The following PTPRJ variants were observed in gnomAD, a reference collection of about 807,000 sequenced individuals.
PTPRJ encodes the protein receptor-type tyrosine-protein phosphatase eta.
A neutral mutation model predicts 141.3 loss-of-function variants in PTPRJ; 129 were observed. That is an observed-to-expected ratio of 0.91 (90% CI 0.79 to 1.06). The LOEUF is 1.06. Among genes scored for constraint, PTPRJ ranks in the 50% least tolerant of loss-of-function variants. The probability of loss-of-function intolerance (pLI) is 0.00; values close to 1 mark genes in which losing one functional copy is unlikely to be tolerated. For synonymous variants in PTPRJ, 610 were observed against 640.5 expected, an observed-to-expected ratio of 0.95 and a Z score of 0.72; for missense variants, 1,601 against 1,679.7, an observed-to-expected ratio of 0.95 and a Z score of 0.82.
chr11:48,034,934 G>A (rs1289508152), intron 1 of PTPRJ, among the ~76,000 whole-genome samples: 2 of 152,234 alleles, frequency 1.3e-5, no homozygotes, highest in African/African-American at 2.4e-5. Flanking sequence ...TTAAGAGCCC[G>A]TTTTACAGAG....
At chr11:47,991,968 T>A (rs1319026960) in intron 1 of PTPRJ, among the ~76,000 whole-genome samples, 1 of 152,170 alleles carries the variant, frequency 6.6e-6, no homozygotes, top group Non-Finnish European at 1.5e-5. Flanking sequence ...ATTCAAAAAT[T>A]AAATTTTTTT....
intron 3 of PTPRJ, among the ~76,000 whole-genome samples, chr11:48,117,353 C>G (rs1217565784): frequency 6.6e-6 from 1 of 151,584 alleles, no homozygotes; most frequent in Non-Finnish European, 1.5e-5. Flanking sequence ...CCAGCCTGGC[C>G]AACATGGTGA....
chr11:48,029,434 C>A (rs889207785), intron 1 of PTPRJ, among the ~76,000 whole-genome samples: 5 of 152,204 alleles, frequency 3.3e-5, no homozygotes, highest in African/African-American at 4.8e-5. Context: ...TTTCTCTCTT[C>A]CCCTCCCAAT....
chr11:48,154,415 A>G (rs1387863247), intron 19 of PTPRJ, among the ~76,000 whole-genome samples: 2 of 152,256 alleles, frequency 1.3e-5, no homozygotes, highest in African/African-American at 4.8e-5. Flanking sequence ...GAGAATTAAC[A>G]ATGTCTGCAT....
At chr11:48,123,509 T>A (rs1371440464) in intron 4 of PTPRJ, 104 bp from the exon 5 acceptor site, 3 of 1,247,706 alleles carry the variant, frequency 2.4e-6, no homozygotes, top group Non-Finnish European at 2.2e-6. Context: ...CATTCTTTCT[T>A]TTTTTCTTTT....
At chr11:48,072,647 G>C in intron 1 of PTPRJ, among the ~76,000 whole-genome samples, 1 of 152,202 alleles carries the variant, frequency 6.6e-6, no homozygotes, top group East Asian at 1.9e-4. Flanking sequence ...AGATTCAGGA[G>C]TGTTCACATA....
chr11:48,091,584 T>C (rs1468358232), intron 1 of PTPRJ, among the ~76,000 whole-genome samples: 1 of 152,204 alleles, frequency 6.6e-6, no homozygotes, highest in East Asian at 1.9e-4. Context: ...TGACTTGGCC[T>C]TCTCTAGGGG....
intron 1 of PTPRJ, among the ~76,000 whole-genome samples, chr11:48,055,227 G>A (rs1427686729): frequency 6.6e-6 from 1 of 152,104 alleles, no homozygotes; most frequent in Non-Finnish European, 1.5e-5. Flanking sequence ...CATGGTGCCT[G>A]GCACATGGTA....
chr11:48,142,923 C>T lies in PTPRJ; in HGVS notation c.2448C>T (p.Pro816=). 6.2e-7 allele frequency: 1 copy of T among 1,613,288 alleles called. No individual in the cohort carries two copies. Among genetic ancestry groups the T allele is most frequent in the Non-Finnish European group, 8.5e-7 (1 of 1,179,586 alleles). Residue 816 remains proline, a synonymous_variant, in exon 12 of 25, where the codon CCC becomes CCT. Coordinates refer to ENST00000418331, the MANE Select transcript of PTPRJ (RefSeq NM_002843.4). ...RNTCTTGITD[P]PPPDGSPNIT... ...TTTTGTTTTGTTTTGTTTTAGATCC[C>T]CCTCCTCCAGATGGATCCCCTAATA...
chr11:48,109,004 G>A (rs531605689), intron 1 of PTPRJ, among the ~76,000 whole-genome samples: 1 of 152,190 alleles, frequency 6.6e-6, no homozygotes, highest in East Asian at 1.9e-4. Flanking sequence ...AGAGTGAGGG[G>A]TGTTGGTTTC....
At chr11:48,113,933 A>G (rs1856501358) in intron 3 of PTPRJ, among the ~76,000 whole-genome samples, 2 of 152,222 alleles carry the variant, frequency 1.3e-5, no homozygotes, top group African/African-American at 4.8e-5. Flanking sequence ...AAGGGCCCTG[A>G]GACCACAGTG....
chr11:48,053,617 C>G (rs1854666940), intron 1 of PTPRJ, among the ~76,000 whole-genome samples: 1 of 144,578 alleles, frequency 6.9e-6, no homozygotes, highest in Non-Finnish European at 1.5e-5. Context: ...TGCTGTGTTG[C>G]CCAGGCTGGA....
Position 48,121,282 on chromosome 11 carries a change from C to G in PTPRJ, c.616+16C>G. On this transcript the variant is annotated intron_variant, in intron 4 of 24. Transcript: ENST00000418331. Reference sequence around the variant, plus strand: ...GTCATCACAGGTAAGATGACTGGCTCCCAGGGATGATGACAAACCATTTCT... The same window carrying G: ...GTCATCACAGGTAAGATGACTGGCTGCCAGGGATGATGACAAACCATTTCT... 1 of 1,611,174 alleles carries G rather than the reference C, an allele frequency of 6.2e-7. No homozygotes were observed. Among genetic ancestry groups the G allele is most frequent in the Non-Finnish European group, 8.5e-7 (1 of 1,177,712 alleles).
At chr11:48,085,845 T>C (rs1855691189) in intron 1 of PTPRJ, among the ~76,000 whole-genome samples, 1 of 152,230 alleles carries the variant, frequency 6.6e-6, no homozygotes, top group Admixed American at 6.5e-5. Flanking sequence ...AGTAGCCCTA[T>C]GTCAGGTGGT....
At position 48,168,576 on chromosome 11, in the gene PTPRJ, A is replaced by G. The variant is rs1246440961; in HGVS notation, c.*1214A>G. 2 of 125,270 alleles carry G rather than the reference A, an allele frequency of 1.6e-5. No homozygotes were observed. The highest frequency in any genetic ancestry group is 4.7e-4 in the East Asian group (2 of 4,246). 7.8% of individuals were successfully genotyped at this position (125,270 alleles called of 1,614,324 possible). On this transcript the variant is annotated 3_prime_UTR_variant, in exon 25 of 25. Transcript: ENST00000418331. ...TATATATATATATATATATATATAT[A>G]TATATACACTAAGCTCTCAAAAACA...
At position 48,137,094 on chromosome 11, in the gene PTPRJ, C is replaced by A; in HGVS notation, c.1965C>A (p.Tyr655Ter). The part of the protein sequence containing the change: ...WQNFDDASPT[Y>*]SYCLLIEKAG... Reference sequence around the variant, plus strand: ...ACTTTGATGACGCCTCTCCCACGTACTCCTACTGCCTTCTTATTGAGAAGG... The same window carrying A: ...ACTTTGATGACGCCTCTCCCACGTAATCCTACTGCCTTCTTATTGAGAAGG... The change falls in exon 10 of 25, where the codon TAC becomes TAA. Residue 655 changes from tyrosine to a stop codon, truncating the protein, a stop_gained. Transcript: ENST00000418331. LOFTEE classifies it high-confidence loss of function. The A allele has an allele frequency of 6.2e-7, 1 of 1,607,106 alleles. No individual in the cohort carries two copies. Among genetic ancestry groups the A allele is most frequent in the East Asian group, 2.2e-5 (1 of 44,840 alleles).
chr11:48,148,406 G>A (rs772775613), intron 15 of PTPRJ, among the ~76,000 whole-genome samples: 5 of 152,000 alleles, frequency 3.3e-5, no homozygotes, highest in Admixed American at 1.3e-4. Context: ...GCTTTATTCA[G>A]CTTAGACATT....
intron 1 of PTPRJ, among the ~76,000 whole-genome samples, chr11:47,991,991 T>C (rs1454091845): frequency 1.3e-5 from 2 of 152,164 alleles, no homozygotes; most frequent in African/African-American, 4.8e-5. Flanking sequence ...TCTTATACTG[T>C]AGTTTACAAG....
At chr11:48,142,699 G>A (rs111638709) in intron 11 of PTPRJ, among the ~76,000 whole-genome samples, 59 of 152,296 alleles carry the variant, frequency 3.9e-4, no homozygotes, top group African/African-American at 1.3e-3. Context: ...ATGCCCTGAA[G>A]GGGTCATTGT....
Sources: gnomAD v4.1 joint callset for allele counts (sites outside exome capture counted in the v4.1 genomes callset) on GRCh38, gnomAD v4.1.1 for gene constraint, MANE v1.5 for transcripts, NCBI Gene and HGNC (gene_info 2026-07-23, HGNC 2026-07-21) for gene names.